The following PIAS3 variants were observed in gnomAD, a reference collection of about 807,000 sequenced individuals.
PIAS3 encodes E3 SUMO-protein ligase PIAS3.
In PIAS3, 34 loss-of-function variants were observed where a neutral mutation model predicts 67.6. The ratio of observed to expected loss-of-function variants is 0.50; its 90% CI spans 0.38 to 0.67. The LOEUF is 0.67. Among genes scored for constraint, PIAS3 ranks in the 30% least tolerant of loss-of-function variants. PIAS3 has a pLI of 0.00. For missense variants in PIAS3, 693 were observed against 791.6 expected, an observed-to-expected ratio of 0.88 and a Z score of 1.49; for synonymous variants, 341 against 313.8, an observed-to-expected ratio of 1.09 and a Z score of -0.92.
Position 145,856,108 on chromosome 1 carries a change from G to A in PIAS3, c.538C>T (p.Pro180Ser). 2 of 1,613,716 alleles carry A rather than the reference G, an allele frequency of 1.2e-6. No homozygotes were observed. The highest frequency in any genetic ancestry group is 1.7e-6 in the Non-Finnish European group (2 of 1,179,650). Residue 180 changes from proline to serine, a missense_variant, in exon 4 of 14, where the codon CCA becomes TCA. Physicochemically the swap from Pro to Ser is moderately conservative, Grantham distance 74. This residue lies in a region of PIAS3 where 308 missense variants were observed against 348.8 expected (regional missense o/e 0.88). Transcript: ENST00000393045. ...ATGGTATAATCACATTTGGCTCCTGGCAGAACCTCTCTGTAACAGGGAGGG... is the reference window on the plus strand; with the variant it reads ...ATGGTATAATCACATTTGGCTCCTGACAGAACCTCTCTGTAACAGGGAGGG... ...QQILTSREVLPGAKCDYTIQV... is the reference protein window; with the variant it reads ...QQILTSREVLSGAKCDYTIQV...
rs781831289 is a variant in PIAS3 at position 145,850,493 on chromosome 1, A to G, written c.1542T>C (p.His514=). 1 of 1,613,976 alleles carries G rather than the reference A, an allele frequency of 6.2e-7. No individual in the cohort carries two copies. Among genetic ancestry groups the G allele is most frequent in the Non-Finnish European group, 8.5e-7 (1 of 1,179,856 alleles). Residue 514 remains histidine (H), a synonymous_variant, in exon 12 of 14, where the codon CAT becomes CAC. Coordinates refer to ENST00000393045, the MANE Select transcript of PIAS3 (RefSeq NM_006099.3). ...CCAGTGGGAAGGCAGGTGGGTACTC[A>G]TGTAGTGGGAGACTGGACAGGAAAT... ...GGDFLSSLPL[H]EYPPAFPLGA...
rs1652852825 is a variant in PIAS3, at chr1:145,849,141, C to T, written c.*305G>A. The T allele has an allele frequency of 4.0e-6, 1 of 248,896 alleles. No homozygotes were observed. Among genetic ancestry groups the T allele is most frequent in the African/African-American group, 2.2e-5 (1 of 45,022 alleles). The allele number at this position is 248,896 out of a possible 1,614,324, so 15.4% of individuals were successfully genotyped here. ...ACATAGTCAAGGCTGAGGGTTCAGC[C>T]CTTCTCCTAGCTCACATACCATCCC... On this transcript the variant is annotated 3_prime_UTR_variant, in exon 14 of 14. Transcript: ENST00000393045.
At position 145,851,055 on chromosome 1, in the gene PIAS3, G is replaced by A; in HGVS notation, c.1244C>T (p.Ser415Phe). 6.2e-7 allele frequency: 1 copy of A among 1,614,226 alleles called. No individual in the cohort carries two copies. The highest frequency in any genetic ancestry group is 8.5e-7 in the Non-Finnish European group (1 of 1,180,034). Residue 415 changes from serine (S) to phenylalanine (F), a missense_variant, in exon 10 of 14, where the codon TCT becomes TTT. Physicochemically the swap from Ser to Phe is radical, Grantham distance 155 (BLOSUM62 -2). Around this residue, in one of 3 missense-constraint regions of PIAS3, gnomAD observed 115 missense variants for 181.8 expected, o/e 0.63. Coordinates refer to ENST00000393045, the MANE Select transcript of PIAS3 (RefSeq NM_006099.3). ...ATACCCTGGCGGGGGGCAAACCTCA[G>A]ATGCCTCCTTCTTGGGTTTCATTGG... ...WCPMKPKKEA[S>F]EVCPPPGYGL...
chr1:145,858,958 G>A lies in PIAS3; in HGVS notation c.24+9C>T, dbSNP rs1302379391. On this transcript the variant is annotated intron_variant, in intron 1 of 13. Coordinates refer to ENST00000393045, the MANE Select transcript of PIAS3 (RefSeq NM_006099.3). The stretch of plus-strand genomic sequence containing the variant: ...AGTCCAGATGGGGATGGGGGGAGGG[G>A]GCCGGTACCTTTAATTCGCCCAGCT... 3 of 1,532,018 alleles carry A rather than the reference G, an allele frequency of 2.0e-6. 1 individual carries two copies. The highest frequency in any genetic ancestry group is 2.6e-6 in the Non-Finnish European group (3 of 1,140,632). The allele number at this position is 1,532,018 out of a possible 1,614,324, so 94.9% of individuals were successfully genotyped here. A position where few individuals can be genotyped will look rare whatever the true frequency, so the allele number is the denominator to read the frequency against.
chr1:145,854,566 A>C lies in PIAS3; in HGVS notation c.805-3T>G, dbSNP rs782790478. The C allele has an allele frequency of 6.2e-7, 1 of 1,606,744 alleles. No individual in the cohort carries two copies. ...AGGTACACAGACAAGGAGTAATTCT[A>C]CTTGGAGGCAGGGGGTAGACAATTA... On this transcript the variant is annotated splice_region_variant and splice_polypyrimidine_tract_variant and intron_variant, in intron 6 of 13. Coordinates refer to ENST00000393045, the MANE Select transcript of PIAS3 (RefSeq NM_006099.3).
chr1:145,851,708 C>T (rs1025445384), intron 9 of PIAS3, among the ~76,000 whole-genome samples: 1 of 148,664 alleles, frequency 6.7e-6, no homozygotes, highest in Non-Finnish European at 1.5e-5. Context: ...TATAATCACA[C>T]TTTCAGAGAC....
intron 1 of PIAS3, among the ~76,000 whole-genome samples, 153 bp downstream of exon 1, chr1:145,858,814 T>TC (rs1553736094): frequency 1.6e-5 from 2 of 124,654 alleles, no homozygotes; most frequent in Non-Finnish European, 3.3e-5. Context: ...AGCCCCTTCC[T>TC]CGCTCTCAGC....
intron 7 of PIAS3, 108 bp from the exon 8 acceptor site, chr1:145,853,994 G>A (rs1653062691): frequency 1.1e-6 from 1 of 885,126 alleles, no homozygotes; most frequent in Non-Finnish European, 1.8e-6. Flanking sequence ...GCTGGGTGGA[G>A]CGTCTTTGGG....
Position 145,849,295 on chromosome 1 carries a change from C to G in PIAS3, c.*151G>C. 1.5e-6 allele frequency: 1 copy of G among 657,406 alleles called. No homozygotes were observed. The highest frequency in any genetic ancestry group is 4.2e-5 in the South Asian group (1 of 23,828). 40.7% of individuals were successfully genotyped at this position (657,406 alleles called of 1,614,324 possible). ...TTAACCCTTTGGGTGCTGGCCTTGT[C>G]AGGCAGAGATGAGGCCAAAAGTAGG... On this transcript the variant is annotated 3_prime_UTR_variant, in exon 14 of 14. Coordinates refer to ENST00000393045, the MANE Select transcript of PIAS3 (RefSeq NM_006099.3).
At chr1:145,853,909 G>T in intron 7 of PIAS3, 23 bp from the exon 8 acceptor site, 1 of 1,610,122 alleles carries the variant, frequency 6.2e-7, no homozygotes, top group Non-Finnish European at 8.5e-7. Flanking sequence ...TGAGGCCAGA[G>T]CCATGGGGTC....
In PIAS3 at chr1:145,848,721, G is replaced by A. The variant is rs782066467; in HGVS notation, c.*725C>T. 4 of 424,536 alleles carry A rather than the reference G, an allele frequency of 9.4e-6. No individual in the cohort carries two copies. The highest frequency in any genetic ancestry group is 5.6e-4 in the Middle Eastern group (1 of 1,780). The allele number at this position is 424,536 out of a possible 1,614,324, so 26.3% of individuals were successfully genotyped here. ...GGGCCATGAGCCTCTAGAAGCTTAG[G>A]GGGGAATAAGAAACACTGTGAACTT... is the stretch of plus-strand genomic sequence containing the variant. On this transcript the variant is annotated 3_prime_UTR_variant, in exon 14 of 14. Coordinates refer to ENST00000393045, the MANE Select transcript of PIAS3 (RefSeq NM_006099.3).
chr1:145,855,546 A>G (rs1351036853), intron 5 of PIAS3, among the ~76,000 whole-genome samples, 190 bp downstream of exon 5: 1 of 152,078 alleles, frequency 6.6e-6, no homozygotes, highest in African/African-American at 2.4e-5. Context: ...TCCTCCTCCG[A>G]GTTCTCACAA....
At chr1:145,849,901 G>A in intron 13 of PIAS3, 189 bp from the exon 14 acceptor site, 1 of 1,446,224 alleles carries the variant, frequency 6.9e-7, no homozygotes, top group Non-Finnish European at 9.0e-7. Context: ...TGCCTTGAGA[G>A]AGCTCCTCCA....
At position 145,856,823 on chromosome 1, in the gene PIAS3, G is replaced by A; in HGVS notation, c.208C>T (p.Leu70=). Residue 70 remains leucine, a synonymous_variant, in exon 2 of 14, where the codon CTG becomes TTG. Transcript: ENST00000393045. ...AGAAGGGAGAGATCAGAGGGCCCCA[G>A]GGTCTTCCGGGGAAAGCGTCGTCGG... is the stretch of plus-strand genomic sequence containing the variant. The part of the protein sequence containing the change: ...LYRRRFPRKT[L]GPSDLSLLSL... 6.2e-7 allele frequency: 1 copy of A among 1,614,152 alleles called. No individual in the cohort carries two copies. Among genetic ancestry groups the A allele is most frequent in the East Asian group, 2.2e-5 (1 of 44,886 alleles).
chr1:145,850,305 T>G (rs200896160), intron 12 of PIAS3, 36 bp from the exon 13 acceptor site: 1 of 1,614,084 alleles, frequency 6.2e-7, no homozygotes, highest in African/African-American at 1.3e-5. Context: ...TAACCTCCTA[T>G]CTGACCCCTT....
Position 145,849,021 on chromosome 1 carries a change from T to G in PIAS3, c.*425A>C. On this transcript the variant is annotated 3_prime_UTR_variant, in exon 14 of 14. Transcript: ENST00000393045. ...GAATGGAATAGACATGAAGAGACAATGGATGTGAAGAAGAAATAGAGCCAT... is the reference window on the plus strand; with the variant it reads ...GAATGGAATAGACATGAAGAGACAAGGGATGTGAAGAAGAAATAGAGCCAT... 6.1e-6 allele frequency: 1 copy of G among 164,642 alleles called. No individual in the cohort carries two copies. 10.2% of individuals were successfully genotyped at this position (164,642 alleles called of 1,614,324 possible).
Position 145,859,063 on chromosome 1 carries a change from G to A in PIAS3, c.-73C>T, listed in dbSNP as rs1379680316. ...GGACCGGCGCACAACTCTCCACCCT[G>A]GCGCCGGCCGCAAATGCCGCCTGCT... On this transcript the variant is annotated 5_prime_UTR_variant, in exon 1 of 14. Coordinates refer to ENST00000393045, the MANE Select transcript of PIAS3 (RefSeq NM_006099.3). 6.8e-7 allele frequency: 1 copy of A among 1,465,326 alleles called. No homozygotes were observed. The highest frequency in any genetic ancestry group is 9.1e-7 in the Non-Finnish European group (1 of 1,093,674). 90.8% of individuals were successfully genotyped at this position (1,465,326 alleles called of 1,614,324 possible).
intron 1 of PIAS3, among the ~76,000 whole-genome samples, 160 bp downstream of exon 1, chr1:145,858,807 C>T (rs1352946242): frequency 1.3e-5 from 2 of 151,420 alleles, no homozygotes; most frequent in East Asian, 3.9e-4. Context: ...CCGCCGCAGC[C>T]CCTTCCTCGC....
chr1:145,854,294 A>C, intron 7 of PIAS3, 164 bp downstream of exon 7: 1 of 619,708 alleles, frequency 1.6e-6, no homozygotes, highest in Non-Finnish European at 2.9e-6. Context: ...AACTTCAACT[A>C]TAAAGACTGG....
Sources: allele counts gnomAD v4.1 joint callset (sites outside exome capture counted in the v4.1 genomes callset), GRCh38; gene constraint gnomAD v4.1.1; regional missense constraint gnomAD v4.1.1; transcripts MANE v1.5; gene names NCBI Gene and HGNC (gene_info 2026-07-23, HGNC 2026-07-21).